The following CLECL1 variants were observed in gnomAD, a reference collection of about 807,000 sequenced individuals.
CLECL1 encodes the protein C-type lectin-like domain family 1.
the CLECL1 span, among the ~76,000 whole-genome samples, chr12:9,707,491 G>A: frequency 4.0e-5 from 6 of 150,362 alleles, no homozygotes; most frequent in Non-Finnish European, 8.9e-5. Flanking sequence ...GAAGGGAAGT[G>A]CTAGGTAGAT....
intron 3 of CLECL1, among the ~76,000 whole-genome samples, chr12:9,723,303 T>C (rs1866336899): frequency 6.6e-6 from 1 of 152,212 alleles, no homozygotes; most frequent in Non-Finnish European, 1.5e-5. Flanking sequence ...GATCTTGACA[T>C]CTAAAAATGT....
At chr12:9,718,037 A>T (rs1359926877), downstream of CLECL1, among the ~76,000 whole-genome samples, 1 of 152,042 alleles carries the variant, frequency 6.6e-6, no homozygotes, top group Non-Finnish European at 1.5e-5. Context: ...CGTTTTAAAA[A>T]TTTCCCCTGA....
At chr12:9,727,844 C>T (rs1866397974) in intron 2 of CLECL1, among the ~76,000 whole-genome samples, 1 of 151,642 alleles carries the variant, frequency 6.6e-6, no homozygotes, top group African/African-American at 2.4e-5. Context: ...TTTAGAGTCT[C>T]TTTTGCACTC....
At chr12:9,728,197 T>A (rs1456884841) in intron 2 of CLECL1, among the ~76,000 whole-genome samples, 1 of 151,836 alleles carries the variant, frequency 6.6e-6, no homozygotes, top group Non-Finnish European at 1.5e-5. Flanking sequence ...TAACTGAAAT[T>A]ATCTTTGATA....
chr12:9,714,889 A>G (rs1866223417), downstream of CLECL1, among the ~76,000 whole-genome samples: 1 of 152,218 alleles, frequency 6.6e-6, no homozygotes, highest in South Asian at 2.1e-4. Flanking sequence ...TGGCACATTT[A>G]GTTTATCATA....
downstream of CLECL1, chr12:9,722,568 C>T: frequency 1.3e-6 from 2 of 1,513,654 alleles, no homozygotes; most frequent in African/African-American, 2.8e-5. Context: ...TTTTCACAGA[C>T]TTTTGCCAAG....
chr12:9,721,821 C>T (rs747104538), downstream of CLECL1, among the ~76,000 whole-genome samples: 9 of 152,166 alleles, frequency 5.9e-5, no homozygotes, highest in East Asian at 1.9e-4. Context: ...TAGTTTGCTG[C>T]GCCTGACAGA....
chr12:9,733,414 A>AT (rs1205916266), upstream of CLECL1: 3 of 570,042 alleles, frequency 5.3e-6, no homozygotes, highest in Non-Finnish European at 9.2e-6. Context: ...GAAACTCTGA[A>AT]TTTCCAGCAT....
rs1013329491 is a variant in CLECL1 at position 9,716,923 on chromosome 12, C to T, written n.153-147G>A. ...ACATGAGAAGTAAACCACACCCCCA[C>T]GTCCTTCTGTGAACGGGATGTAAAC... On this transcript the variant is annotated intron_variant and non_coding_transcript_variant, in intron 2 of 2. Coordinates refer to the CLECL1 transcript ENST00000540988. The T allele has an allele frequency of 1.1e-5, 4 of 362,760 alleles. 1 individual carries two copies. The highest frequency in any genetic ancestry group is 2.0e-3 in the Middle Eastern group (2 of 984). The allele number at this position is 362,760 out of a possible 1,614,324, so 22.5% of individuals were successfully genotyped here. A position where few individuals can be genotyped will look rare whatever the true frequency, so the allele number is the denominator to read the frequency against.
downstream of CLECL1, among the ~76,000 whole-genome samples, chr12:9,715,131 C>T (rs760117209): frequency 3.9e-5 from 6 of 152,260 alleles, no homozygotes; most frequent in Non-Finnish European, 5.9e-5. Flanking sequence ...TTTTTATCTT[C>T]TTTCTAAGTA....
chr12:9,733,126 T>G, upstream of CLECL1: 1 of 1,614,174 alleles, frequency 6.2e-7, no homozygotes, highest in East Asian at 2.2e-5. Flanking sequence ...TAAATTGAGA[T>G]GGCAAATTTC....
downstream of CLECL1, among the ~76,000 whole-genome samples, chr12:9,721,156 T>C (rs1268310499): frequency 6.6e-6 from 1 of 152,166 alleles, no homozygotes; most frequent in East Asian, 1.9e-4. Context: ...CCTTTTTCCT[T>C]CATACTTCTT....
chr12:9,704,820 AT>A, the CLECL1 span, among the ~76,000 whole-genome samples: 1 of 152,110 alleles, frequency 6.6e-6, no homozygotes, highest in South Asian at 2.1e-4. Flanking sequence ...GTTGATGGGC[AT>A]TTAGGTTGAT....
At chr12:9,725,555 A>G (rs915401350) in intron 3 of CLECL1, among the ~76,000 whole-genome samples, 2 of 150,136 alleles carry the variant, frequency 1.3e-5, no homozygotes, top group African/African-American at 2.5e-5. Flanking sequence ...ATATAAAAAA[A>G]TAGATTTCTA....
At chr12:9,730,685 CTTTT>C (rs1226160609) in intron 1 of CLECL1, among the ~76,000 whole-genome samples, 4 of 151,774 alleles carry the variant, frequency 2.6e-5, no homozygotes, top group African/African-American at 9.7e-5. Context: ...CTTTTTCTTT[CTTTT>C]TTTCTTTTCT....
chr12:9,733,088 A>G (rs1866471401), upstream of CLECL1: 10 of 1,607,976 alleles, frequency 6.2e-6, no homozygotes, highest in East Asian at 2.2e-4. Context: ...AGGGACAATC[A>G]TATTTCTGCA....
chr12:9,722,467 G>GAA (rs34774966), downstream of CLECL1: 56,241 of 1,054,128 alleles, frequency 0.053, 182 homozygotes, highest in African/African-American at 0.11. Flanking sequence ...CTCCTAGCCG[G>GAA]AAAAAAAAAA....
chr12:9,705,114 G>A, the CLECL1 span, among the ~76,000 whole-genome samples: 1 of 152,102 alleles, frequency 6.6e-6, no homozygotes, highest in Non-Finnish European at 1.5e-5. Flanking sequence ...TGACTGGTGT[G>A]GGATGGTGTC....
downstream of CLECL1, among the ~76,000 whole-genome samples, chr12:9,721,308 T>A (rs116451619): frequency 0.017 from 2,608 of 152,324 alleles, 81 homozygotes; most frequent in African/African-American, 0.06. Flanking sequence ...TAAATGTTCT[T>A]CTGTAACATA....
Sources: gnomAD v4.1 joint callset for allele counts (sites outside exome capture counted in the v4.1 genomes callset) on GRCh38, gnomAD v4.1.1 for gene constraint, MANE v1.5 for transcripts, NCBI Gene and HGNC (gene_info 2026-07-23, HGNC 2026-07-21) for gene names.